The following DACH2 variants were observed in gnomAD, a reference collection of about 807,000 sequenced individuals.
DACH2 encodes the protein dachshund family transcription factor 2, also known as dachshund homolog 2.
Under a neutral mutation model 35.8 loss-of-function variants are expected in DACH2, and 17 were observed. The ratio of observed to expected loss-of-function variants is 0.48; its 90% CI spans 0.33 to 0.71. DACH2 has a LOEUF of 0.71. Among genes scored for constraint, DACH2 ranks in the 30% least tolerant of loss-of-function variants. DACH2 has a pLI of 0.02. For synonymous variants in DACH2, 195 were observed against 177.3 expected (o/e 1.10, Z -0.79); for missense variants, 469 against 472.7 (o/e 0.99, Z 0.07).
intron 2 of DACH2, among the ~76,000 whole-genome samples, chrX:86,407,787 C>G (rs2036548937): frequency 2.7e-5 from 3 of 111,921 alleles, no homozygotes; most frequent in Admixed American, 9.5e-5. Flanking sequence ...TTGTAGCAGA[C>G]TGAAGTGGTT....
At chrX:86,679,677 C>T (rs1488502122) in intron 4 of DACH2, among the ~76,000 whole-genome samples, 1 of 101,281 alleles carries the variant, frequency 9.9e-6, no homozygotes, top group Admixed American at 1.1e-4. Context: ...AATATATTTA[C>T]CATGCCAGGT....
At chrX:86,181,739 T>C (rs1602260582) in intron 1 of DACH2, among the ~76,000 whole-genome samples, 1 of 111,795 alleles carries the variant, frequency 8.9e-6, no homozygotes, top group East Asian at 2.8e-4. Flanking sequence ...TTTCTGGTTC[T>C]AGATTCTTGA....
At chrX:86,670,927 T>A (rs76878599) in intron 4 of DACH2, among the ~76,000 whole-genome samples, 5,141 of 111,494 alleles carry the variant, frequency 0.046, 159 homozygotes, top group East Asian at 0.25. Flanking sequence ...TTCTGAGGAG[T>A]CGGTGCTACA....
At chrX:86,490,168 C>T (rs1027918049) in intron 2 of DACH2, among the ~76,000 whole-genome samples, 5 of 111,899 alleles carry the variant, frequency 4.5e-5, no homozygotes, top group South Asian at 3.6e-4. Flanking sequence ...TTATGTACTA[C>T]GCACATCATG....
intron 2 of DACH2, among the ~76,000 whole-genome samples, chrX:86,460,787 T>C (rs926068136): frequency 1.8e-5 from 2 of 110,741 alleles, no homozygotes; most frequent in African/African-American, 6.5e-5. Context: ...TAGAATAGTG[T>C]CACAATCTGA....
intron 3 of DACH2, among the ~76,000 whole-genome samples, chrX:86,537,090 A>G (rs190900240): frequency 2.7e-5 from 3 of 111,157 alleles, no homozygotes; most frequent in Admixed American, 9.6e-5. Context: ...GGAGAAAGCT[A>G]TGCCCCACAT....
At chrX:86,688,246 T>C (rs760581807) in intron 4 of DACH2, among the ~76,000 whole-genome samples, 43 of 111,809 alleles carry the variant, frequency 3.8e-4, no homozygotes, top group Non-Finnish European at 6.0e-4. Flanking sequence ...TTCTCTTCTT[T>C]TTAAATTGTC....
chrX:86,451,934 G>A (rs2037385093), intron 2 of DACH2, among the ~76,000 whole-genome samples: 1 of 111,412 alleles, frequency 9.0e-6, no homozygotes, highest in South Asian at 3.7e-4. Flanking sequence ...CGGTTGTAAG[G>A]GGAATGCTTT....
intron 5 of DACH2, among the ~76,000 whole-genome samples, chrX:86,698,513 A>ATTTTTTTT (rs2041093488): frequency 3.8e-5 from 1 of 26,572 alleles, no homozygotes. Context: ...TTGTTTTGTT[A>ATTTTTTTT]GTTTTGTGTT....
intron 3 of DACH2, among the ~76,000 whole-genome samples, chrX:86,563,430 A>G (rs1342543115): frequency 9.0e-6 from 1 of 110,880 alleles, no homozygotes; most frequent in Non-Finnish European, 1.9e-5. Context: ...GGGTTTAGGT[A>G]TAAAACAACA....
intron 3 of DACH2, among the ~76,000 whole-genome samples, chrX:86,637,513 G>A (rs2040289715): frequency 9.0e-6 from 1 of 111,418 alleles, no homozygotes; most frequent in South Asian, 3.7e-4. Flanking sequence ...AGAAAATGCG[G>A]TGTATATACA....
intron 7 of DACH2, 79 bp from the exon 8 acceptor site, chrX:86,812,777 G>T: frequency 1.5e-6 from 1 of 649,190 alleles, no homozygotes; most frequent in Non-Finnish European, 2.2e-6. Flanking sequence ...AATCTTTATA[G>T]ATGCTTAGTA....
intron 7 of DACH2, among the ~76,000 whole-genome samples, chrX:86,773,989 C>A (rs980004254): frequency 9.0e-6 from 1 of 111,619 alleles, no homozygotes; most frequent in African/African-American, 3.3e-5. Flanking sequence ...ATTTTCATTT[C>A]TTAAGGAACC....
intron 5 of DACH2, among the ~76,000 whole-genome samples, chrX:86,695,643 G>T (rs1003566549): frequency 9.1e-6 from 1 of 109,735 alleles, no homozygotes; most frequent in Admixed American, 9.7e-5. Flanking sequence ...CCAAGTAGCT[G>T]GGATTACAGG....
At chrX:86,584,374 G>A (rs1478413555) in intron 3 of DACH2, among the ~76,000 whole-genome samples, 1 of 109,919 alleles carries the variant, frequency 9.1e-6, no homozygotes, top group Non-Finnish European at 1.9e-5. Flanking sequence ...TCACTTTTTC[G>A]TGGTTTGATA....
intron 1 of DACH2, among the ~76,000 whole-genome samples, chrX:86,245,096 A>C (rs1299484399): frequency 1.8e-5 from 2 of 112,302 alleles, no homozygotes; most frequent in African/African-American, 6.5e-5. Context: ...AATGTGATAA[A>C]ACCAATACAA....
chrX:86,821,287 T>C (rs2042509538), intron 11 of DACH2, among the ~76,000 whole-genome samples: 1 of 111,371 alleles, frequency 9.0e-6, no homozygotes. Context: ...ATTGGAGGTA[T>C]ATAGCAAGTC....
intron 3 of DACH2, among the ~76,000 whole-genome samples, chrX:86,632,124 A>G (rs979245460): frequency 9.0e-6 from 1 of 111,605 alleles, no homozygotes; most frequent in African/African-American, 3.3e-5. Flanking sequence ...TCAGTGACAT[A>G]TAAAGTATCT....
chrX:86,475,800 G>A (rs946065874), intron 2 of DACH2, among the ~76,000 whole-genome samples: 12 of 111,890 alleles, frequency 1.1e-4, no homozygotes, highest in Middle Eastern at 9.2e-3. Context: ...TTCCCATTCA[G>A]TGTGATACTA....
Sources: allele counts gnomAD v4.1 joint callset (sites outside exome capture counted in the v4.1 genomes callset), GRCh38; gene constraint gnomAD v4.1.1; transcripts MANE v1.5; gene names NCBI Gene and HGNC (gene_info 2026-07-23, HGNC 2026-07-21).